OXR1: variants seen among roughly 807,000 people sequenced by gnomAD.
OXR1 encodes the protein oxidation resistance 1, also known as oxidation resistance protein 1.
A neutral mutation model predicts 104.6 loss-of-function variants in OXR1; 41 were observed. The ratio of observed to expected loss-of-function variants is 0.39; its 90% CI spans 0.31 to 0.51. The LOEUF (loss-of-function observed/expected upper bound fraction) is 0.51, where lower values mean the gene tolerates loss of function less well. OXR1 is among the 20% of genes least tolerant of loss of function. The probability of loss-of-function intolerance (pLI) is 0.77; values close to 1 mark genes in which losing one functional copy is unlikely to be tolerated. For missense variants in OXR1, 955 were observed against 1,031.9 expected, an observed-to-expected ratio of 0.93 and a Z score of 1.02; for synonymous variants, 348 against 348.4, an observed-to-expected ratio of 1.00 and a Z score of 0.01.
chr8:106,697,734 G>A (rs1354986569), intron 7 of OXR1: 7 of 1,614,038 alleles, frequency 4.3e-6, no homozygotes, highest in South Asian at 2.2e-5. Flanking sequence ...GGAACTGAGA[G>A]ATCTTCTCCA....
chr8:106,518,913 T>C (rs754949550), intron 2 of OXR1, 30 bp from the exon 3 acceptor site: 98 of 1,484,058 alleles, frequency 6.6e-5, no homozygotes, highest in Admixed American at 6.2e-4. Flanking sequence ...AGAATCAGGA[T>C]TCATAGCATG....
At chr8:106,682,153 A>C (rs1587071317) in intron 4 of OXR1, among the ~76,000 whole-genome samples, 1 of 152,044 alleles carries the variant, frequency 6.6e-6, no homozygotes, top group Non-Finnish European at 1.5e-5. Flanking sequence ...TTCCATTTTA[A>C]ATTGTTCATC....
intron 2 of OXR1, among the ~76,000 whole-genome samples, chr8:106,412,291 T>C (rs1406253742): frequency 6.6e-6 from 1 of 152,104 alleles, no homozygotes; most frequent in East Asian, 1.9e-4. Flanking sequence ...CAAAAATCAA[T>C]TCCCCTAATC....
At chr8:106,399,392 G>A (rs1398439180) in intron 2 of OXR1, among the ~76,000 whole-genome samples, 5 of 152,106 alleles carry the variant, frequency 3.3e-5, no homozygotes, top group African/African-American at 9.7e-5. Context: ...CTGGCCAGGA[G>A]CAATCAAAAT....
chr8:106,387,448 G>A (rs956921742), intron 2 of OXR1, among the ~76,000 whole-genome samples: 6 of 152,226 alleles, frequency 3.9e-5, no homozygotes, highest in Admixed American at 1.3e-4. Flanking sequence ...CTCATGCTAC[G>A]TTCTCATGGG....
chr8:106,351,215 T>A (rs144226174), intron 1 of OXR1, among the ~76,000 whole-genome samples: 48 of 152,302 alleles, frequency 3.2e-4, no homozygotes, highest in African/African-American at 1.2e-3. Context: ...ACCTTCCCTG[T>A]CCTAGGCACC....
At chr8:106,690,132 TATG>T (rs1829133562) in intron 6 of OXR1, among the ~76,000 whole-genome samples, 1 of 150,868 alleles carries the variant, frequency 6.6e-6, no homozygotes, top group Admixed American at 6.6e-5. Flanking sequence ...TTTTCTAAAT[TATG>T]ATTTTAACTT....
chr8:106,480,311 A>G (rs923032525), intron 2 of OXR1, among the ~76,000 whole-genome samples: 1 of 151,986 alleles, frequency 6.6e-6, no homozygotes, highest in African/African-American at 2.4e-5. Flanking sequence ...TCTAAAATTC[A>G]AACCTATTAT....
At chr8:106,682,973 G>C (rs532465675) in intron 4 of OXR1, among the ~76,000 whole-genome samples, 1 of 152,124 alleles carries the variant, frequency 6.6e-6, no homozygotes, top group East Asian at 1.9e-4. Context: ...TTGAAGTAGA[G>C]ACCTACATGT....
intron 11 of OXR1, among the ~76,000 whole-genome samples, chr8:106,724,966 TCCACCA>T (rs960787141): frequency 6.6e-6 from 1 of 152,116 alleles, no homozygotes; most frequent in Admixed American, 6.6e-5. Context: ...AAATGCTGCT[TCCACCA>T]CCACCACCAC....
intron 2 of OXR1, among the ~76,000 whole-genome samples, chr8:106,511,911 A>G (rs1291969487): frequency 6.6e-6 from 1 of 152,212 alleles, no homozygotes; most frequent in Non-Finnish European, 1.5e-5. Flanking sequence ...TACCTCTACC[A>G]ATAGGACATA....
At chr8:106,669,338 T>C (rs576563398) in intron 3 of OXR1, among the ~76,000 whole-genome samples, 38 of 152,154 alleles carry the variant, frequency 2.5e-4, no homozygotes, top group Admixed American at 3.9e-4. Context: ...ACAGTAAAAG[T>C]AGATTTCTAC....
chr8:106,278,462 A>G lies in OXR1; in HGVS notation c.-139+8095A>G, dbSNP rs542417316. Among the ~76,000 whole-genome samples the G allele has an allele frequency of 3.9e-5, 6 of 152,208 alleles. No homozygotes were observed. The East Asian group carries it at 1.2e-3, about 29-fold the overall frequency. ...GATTTATGTACAAACAAGTCTTAGT[A>G]TCTACAAACATGGGCAACTAAAAAA... On this transcript the variant is annotated intron_variant, in intron 1 of 16. Transcript: ENST00000517566.
chr8:106,335,517 C>A (rs149640300), intron 1 of OXR1, among the ~76,000 whole-genome samples: 2 of 152,264 alleles, frequency 1.3e-5, no homozygotes, highest in African/African-American at 4.8e-5. Context: ...TCAGACATTT[C>A]TCCATGGAAG....
chr8:106,270,945 C>T (rs1811775693), intron 1 of OXR1, among the ~76,000 whole-genome samples: 1 of 152,028 alleles, frequency 6.6e-6, no homozygotes. Flanking sequence ...CAGTAAAAGG[C>T]TAGGGGGCAC....
At chr8:106,580,012 A>G (rs1225232113) in intron 3 of OXR1, among the ~76,000 whole-genome samples, 1 of 152,198 alleles carries the variant, frequency 6.6e-6, no homozygotes, top group Non-Finnish European at 1.5e-5. Context: ...GATGGCCAGC[A>G]TTTTCTTCCT....
At chr8:106,323,734 A>C (rs1047141014) in intron 1 of OXR1, among the ~76,000 whole-genome samples, 2 of 152,228 alleles carry the variant, frequency 1.3e-5, no homozygotes, top group African/African-American at 2.4e-5. Flanking sequence ...GAAGACATAC[A>C]TGTGGCCAAC....
intron 2 of OXR1, among the ~76,000 whole-genome samples, chr8:106,518,060 C>G (rs1225779133): frequency 6.6e-6 from 1 of 152,032 alleles, no homozygotes; most frequent in East Asian, 1.9e-4. Context: ...GGTCTGCAAG[C>G]AAGGCAGAAA....
intron 9 of OXR1, among the ~76,000 whole-genome samples, chr8:106,707,888 A>G (rs925126324): frequency 6.6e-6 from 1 of 152,136 alleles, no homozygotes; most frequent in Non-Finnish European, 1.5e-5. Flanking sequence ...TTTTAAATTC[A>G]AAGATTTTTG....
Sources: gnomAD v4.1 joint callset for allele counts (sites outside exome capture counted in the v4.1 genomes callset) on GRCh38, gnomAD v4.1.1 for gene constraint, MANE v1.5 for transcripts, NCBI Gene and HGNC (gene_info 2026-07-23, HGNC 2026-07-21) for gene names.